Variants in CSMD1 observed in about 807,000 individuals in gnomAD.
CSMD1 encodes the protein CUB and sushi domain-containing protein 1.
A neutral mutation model predicts 417.5 loss-of-function variants in CSMD1; 213 were observed. That is an observed-to-expected ratio of 0.51 (90% CI 0.46 to 0.57). The LOEUF (loss-of-function observed/expected upper bound fraction) is 0.57. Among genes scored for constraint, CSMD1 ranks in the 20% least tolerant of loss-of-function variants. The probability of loss-of-function intolerance (pLI) is 0.00; values close to 1 mark genes in which losing one functional copy is unlikely to be tolerated. For missense variants in CSMD1, 6,923 were observed against 4,529.7 expected (o/e 1.53, Z -15.17); for synonymous variants, 2,862 against 1,736.8 (o/e 1.65, Z -16.11).
intron 3 of CSMD1, among the ~76,000 whole-genome samples, chr8:4,297,707 G>T (rs1486370937): frequency 6.6e-6 from 1 of 152,122 alleles, no homozygotes; most frequent in African/African-American, 2.4e-5. Context: ...AGCCATCGGT[G>T]ATCGCCTCTG....
chr8:4,077,301 A>ATATATATATATATATATATATATGGG (rs1799877566), intron 3 of CSMD1, among the ~76,000 whole-genome samples: 3 of 73,556 alleles, frequency 4.1e-5, no homozygotes, highest in African/African-American at 1.1e-4. Context: ...ATATGTGTAT[A>ATATATATATATATATATATATATGGG]TATATATATA....
At chr8:3,678,066 G>C (rs1402995013) in intron 7 of CSMD1, among the ~76,000 whole-genome samples, 1 of 152,106 alleles carries the variant, frequency 6.6e-6, no homozygotes, top group Non-Finnish European at 1.5e-5. Context: ...TTCAAAGATG[G>C]CTGAATAGGA....
intron 7 of CSMD1, among the ~76,000 whole-genome samples, chr8:3,653,673 C>G (rs1449552802): frequency 6.6e-6 from 1 of 152,164 alleles, no homozygotes; most frequent in South Asian, 2.1e-4. Context: ...CAGCTTTTTA[C>G]AGCCCAAGTC....
chr8:4,480,907 G>C (rs1383086442), intron 2 of CSMD1, among the ~76,000 whole-genome samples: 2 of 152,130 alleles, frequency 1.3e-5, no homozygotes, highest in Admixed American at 6.6e-5. Flanking sequence ...ATCCCTAGTT[G>C]TTGAGTTCAT....
In CSMD1 at chr8:4,489,299, G is replaced by C. The variant is rs554211885; in HGVS notation, c.303-69234C>G. 2.0e-5 allele frequency among the ~76,000 whole-genome samples: 3 copies of C among 152,302 alleles called. No homozygotes were observed. The South Asian group carries it at 6.2e-4, about 32-fold the overall frequency. ...GAGCTGCAGAAAGTTCTGGGAAAAT[G>C]TCTCAAAGATTCAATGCATAAGGAA... is the stretch of plus-strand genomic sequence containing the variant. On this transcript the variant is annotated intron_variant, in intron 2 of 69. Coordinates refer to ENST00000635120, the MANE Select transcript of CSMD1 (RefSeq NM_033225.6).
intron 3 of CSMD1, among the ~76,000 whole-genome samples, chr8:4,381,514 G>C (rs368836625): frequency 3.9e-5 from 6 of 152,092 alleles, no homozygotes; most frequent in African/African-American, 9.7e-5. Flanking sequence ...ACAAAACAAG[G>C]TCATTATATT....
chr8:4,788,612 G>A (rs1052642231), intron 1 of CSMD1: 3 of 966,694 alleles, frequency 3.1e-6, no homozygotes, highest in African/African-American at 3.3e-5. Context: ...GAAATTTTTA[G>A]GGGAAAAACT....
chr8:3,312,058 C>T (rs1384697754), intron 23 of CSMD1, among the ~76,000 whole-genome samples: 1 of 152,106 alleles, frequency 6.6e-6, no homozygotes, highest in Non-Finnish European at 1.5e-5. Context: ...CTAAAACTTG[C>T]ATTAAAGCTT....
At chr8:3,174,750 T>C (rs1005977825) in intron 37 of CSMD1, among the ~76,000 whole-genome samples, 1 of 152,208 alleles carries the variant, frequency 6.6e-6, no homozygotes, top group Non-Finnish European at 1.5e-5. Context: ...TCTAGGTGGC[T>C]GATATATTTA....
chr8:3,462,716 C>T (rs747689988), intron 12 of CSMD1, among the ~76,000 whole-genome samples: 1 of 152,044 alleles, frequency 6.6e-6, no homozygotes, highest in Non-Finnish European at 1.5e-5. Flanking sequence ...CTTCAGTCAC[C>T]CTGAAATCAT....
chr8:3,290,411 C>T lies in CSMD1; in HGVS notation c.3951-6065G>A, dbSNP rs1405745792. ...GGATGGCATTGAATCTATAAGTTAC[C>T]TTGGGCGGTATGGCCATTTTCACAA... On this transcript the variant is annotated intron_variant, in intron 25 of 69. Transcript: ENST00000635120. 6.1e-5 allele frequency among the ~76,000 whole-genome samples: 9 copies of T among 146,558 alleles called. 1 individual carries two copies. Among genetic ancestry groups the T allele is most frequent in the African/African-American group, 2.2e-4 (8 of 36,638 alleles).
intron 5 of CSMD1, among the ~76,000 whole-genome samples, chr8:3,972,892 T>C (rs912485540): frequency 1.8e-4 from 27 of 151,976 alleles, no homozygotes; most frequent in Non-Finnish European, 3.7e-4. Context: ...ACCATCAAAA[T>C]GTAAAAATGG....
At chr8:4,697,641 G>C (rs907792512) in intron 1 of CSMD1, among the ~76,000 whole-genome samples, 5 of 152,036 alleles carry the variant, frequency 3.3e-5, no homozygotes, top group African/African-American at 1.2e-4. Flanking sequence ...AATTAAGCAG[G>C]GACTGATATT....
intron 37 of CSMD1, among the ~76,000 whole-genome samples, chr8:3,169,661 T>G (rs1359236652): frequency 6.6e-6 from 1 of 152,158 alleles, no homozygotes; most frequent in Non-Finnish European, 1.5e-5. Flanking sequence ...GTCATGTTAT[T>G]TATATTTTTA....
At chr8:4,341,075 G>A (rs1283426051) in intron 3 of CSMD1, among the ~76,000 whole-genome samples, 1 of 151,958 alleles carries the variant, frequency 6.6e-6, no homozygotes, top group Non-Finnish European at 1.5e-5. Flanking sequence ...TAAAACTTGG[G>A]AAAGAATAGT....
In CSMD1 at chr8:3,110,279, G is replaced by A; in HGVS notation, c.6487C>T (p.Pro2163Ser). Reference protein sequence around the residue: ...QNGTIYSPGFPDEYPILKDCI... With the variant: ...QNGTIYSPGFSDEYPILKDCI... ...TCCTTCAGGATCGGATACTCATCAG[G>A]AAAGCCAGGGGAGTAGATGGTGCCG... The change falls in exon 43 of 70, where the codon CCT (proline) becomes TCT (serine). Residue 2163 changes from proline (P) to serine (S), a missense_variant. Transcript: ENST00000635120. 1 of 1,613,552 alleles carries A rather than the reference G, an allele frequency of 6.2e-7. No homozygotes were observed. The highest frequency in any genetic ancestry group is 8.5e-7 in the Non-Finnish European group (1 of 1,179,704).
intron 68 of CSMD1, among the ~76,000 whole-genome samples, chr8:2,944,668 T>A (rs1038735272): frequency 9.2e-5 from 14 of 152,176 alleles, no homozygotes; most frequent in Admixed American, 3.3e-4. Flanking sequence ...GAACACAGTA[T>A]GTGCTCAATA....
rs531997526 is a variant in CSMD1, at chr8:3,966,158, G to C, written c.818+31745C>G. Reference sequence around the variant, plus strand: ...GCTACTTATAATATCTCAGTTAATAGGACGGCAAAGGAGAAAATGTCTAAG... The same window carrying C: ...GCTACTTATAATATCTCAGTTAATACGACGGCAAAGGAGAAAATGTCTAAG... On this transcript the variant is annotated intron_variant, in intron 5 of 69. Coordinates refer to ENST00000635120, the MANE Select transcript of CSMD1 (RefSeq NM_033225.6). 1.7e-4 allele frequency among the ~76,000 whole-genome samples: 26 copies of C among 152,208 alleles called. No homozygotes were observed. The South Asian group carries it at 4.4e-3, about 25-fold the overall frequency.
chr8:4,016,325 C>T (rs998260166), intron 4 of CSMD1, among the ~76,000 whole-genome samples: 1 of 152,130 alleles, frequency 6.6e-6, no homozygotes, highest in Admixed American at 6.5e-5. Flanking sequence ...TAATTAACTA[C>T]TGACCAACTG....
Sources: allele counts gnomAD v4.1 joint callset (sites outside exome capture counted in the v4.1 genomes callset), GRCh38; gene constraint gnomAD v4.1.1; transcripts MANE v1.5; gene names NCBI Gene and HGNC (gene_info 2026-07-23, HGNC 2026-07-21).